GALNT17: variants seen among roughly 807,000 people sequenced by gnomAD.
The protein encoded by GALNT17 is UDP-GalNAc:polypeptide N-acetylgalactosaminyltransferase-like 3.
GALNT17 carries 29 observed loss-of-function variants against 63.7 expected under a neutral mutation model. That is an observed-to-expected ratio of 0.46 (90% CI 0.34 to 0.62). The LOEUF (loss-of-function observed/expected upper bound fraction) is 0.62. Among genes scored for constraint, GALNT17 ranks in the 20% least tolerant of loss-of-function variants. The pLI is 0.01. For synonymous variants in GALNT17, 305 were observed against 318.3 expected (o/e 0.96, Z 0.45); for missense variants, 603 against 799.6 (o/e 0.75, Z 2.97).
At chr7:71,396,287 TG>T (rs1344775175) in intron 3 of GALNT17, among the ~76,000 whole-genome samples, 1 of 152,158 alleles carries the variant, frequency 6.6e-6, no homozygotes, top group African/African-American at 2.4e-5. Flanking sequence ...AGCTAATTTT[TG>T]TATATGGTTT....
At chr7:71,269,469 A>T (rs1357635659) in intron 1 of GALNT17, among the ~76,000 whole-genome samples, 1 of 151,914 alleles carries the variant, frequency 6.6e-6, no homozygotes, top group Non-Finnish European at 1.5e-5. Flanking sequence ...CATGTCTATT[A>T]AAAAATAAGC....
intron 6 of GALNT17, among the ~76,000 whole-genome samples, chr7:71,610,734 C>T (rs1320923508): frequency 6.6e-6 from 1 of 152,022 alleles, no homozygotes; most frequent in Non-Finnish European, 1.5e-5. Context: ...GTGGCTCATG[C>T]CTGCACTTTG....
At chr7:71,491,814 T>G (rs1334711469) in intron 5 of GALNT17, among the ~76,000 whole-genome samples, 2 of 152,294 alleles carry the variant, frequency 1.3e-5, no homozygotes, top group Middle Eastern at 3.4e-3. Flanking sequence ...GAGTCTCACT[T>G]TGAGATGCAC....
At chr7:71,168,323 C>T (rs1170492999) in intron 1 of GALNT17, among the ~76,000 whole-genome samples, 1 of 152,056 alleles carries the variant, frequency 6.6e-6, no homozygotes, top group East Asian at 1.9e-4. Context: ...CCTGTAATCC[C>T]ACCACTTTGG....
rs76280511 is a variant in GALNT17 at position 71,469,223 on chromosome 7, G to A, written c.962+48118G>A. Reference sequence around the variant, plus strand: ...TCATTGTTGCTGAAGAGAAGGGATAGGTAATGGTGTAAAAGAAAGTTCTGG... The same window carrying A: ...TCATTGTTGCTGAAGAGAAGGGATAAGTAATGGTGTAAAAGAAAGTTCTGG... On this transcript the variant is annotated intron_variant, in intron 5 of 10. Coordinates refer to ENST00000333538, the MANE Select transcript of GALNT17 (RefSeq NM_022479.3). Among the ~76,000 whole-genome samples, 603 of 152,264 alleles carry A rather than the reference G, an allele frequency of 4.0e-3. 3 individuals are homozygous for A. Among genetic ancestry groups the A allele is most frequent in the African/African-American group, 0.014 (565 of 41,546 alleles).
chr7:71,398,547 G>A (rs935071344), intron 3 of GALNT17, among the ~76,000 whole-genome samples: 2 of 152,142 alleles, frequency 1.3e-5, no homozygotes, highest in Non-Finnish European at 2.9e-5. Flanking sequence ...TGCATAGTCT[G>A]TTTCTAAAAG....
chr7:71,592,150 C>T (rs1307068710), intron 6 of GALNT17, among the ~76,000 whole-genome samples: 1 of 151,942 alleles, frequency 6.6e-6, no homozygotes, highest in African/African-American at 2.4e-5. Context: ...GAGGAGATGC[C>T]ATGAGCAGGA....
At chr7:71,299,021 A>G (rs1324526592) in intron 1 of GALNT17, among the ~76,000 whole-genome samples, 6 of 152,082 alleles carry the variant, frequency 3.9e-5, no homozygotes, top group African/African-American at 1.4e-4. Flanking sequence ...TGACTATCGG[A>G]GTTCCAAATG....
At chr7:71,695,846 G>C (rs1791532525) in intron 9 of GALNT17, among the ~76,000 whole-genome samples, 1 of 152,158 alleles carries the variant, frequency 6.6e-6, no homozygotes, top group Non-Finnish European at 1.5e-5. Context: ...CCTGGGACTG[G>C]GTCCTTGCTC....
chr7:71,400,023 C>T (rs1050501519), intron 3 of GALNT17, among the ~76,000 whole-genome samples: 18 of 152,168 alleles, frequency 1.2e-4, no homozygotes, highest in East Asian at 5.8e-4. Context: ...GGGATGCATG[C>T]GCAGAACGTG....
intron 6 of GALNT17, among the ~76,000 whole-genome samples, chr7:71,605,148 C>T (rs534644785): frequency 1.4e-4 from 21 of 152,314 alleles, no homozygotes; most frequent in South Asian, 8.3e-4. Flanking sequence ...TCTTCACCCT[C>T]AAACTTGGCT....
chr7:71,658,887 CA>C (rs56210915), intron 6 of GALNT17, among the ~76,000 whole-genome samples: 33,208 of 143,200 alleles, frequency 0.23, 3,938 homozygotes, highest in Non-Finnish European at 0.28. Flanking sequence ...GACTCTGTCT[CA>C]AAAAAAAAAA....
At chr7:71,196,017 A>G (rs973451583) in intron 1 of GALNT17, among the ~76,000 whole-genome samples, 4 of 152,208 alleles carry the variant, frequency 2.6e-5, no homozygotes, top group Non-Finnish European at 5.9e-5. Context: ...TGGAGGGATT[A>G]GCAGCATCCC....
chr7:71,552,070 G>C (rs570279570), intron 5 of GALNT17, among the ~76,000 whole-genome samples: 40 of 149,998 alleles, frequency 2.7e-4, no homozygotes, highest in African/African-American at 9.8e-4. Context: ...TTTGAGTCAG[G>C]GTGTTGGTTT....
intron 6 of GALNT17, among the ~76,000 whole-genome samples, chr7:71,630,007 A>T (rs893446955): frequency 2.6e-5 from 4 of 151,550 alleles, no homozygotes; most frequent in African/African-American, 9.7e-5. Flanking sequence ...CATGTTTATT[A>T]TATCGTAACT....
At chr7:71,648,795 C>T (rs899790935) in intron 6 of GALNT17, among the ~76,000 whole-genome samples, 3 of 152,108 alleles carry the variant, frequency 2.0e-5, no homozygotes, top group Admixed American at 1.3e-4. Context: ...AGCTAGGCAA[C>T]CGTGAGACCT....
At chr7:71,221,163 G>A (rs1280870892) in intron 1 of GALNT17, among the ~76,000 whole-genome samples, 3 of 152,116 alleles carry the variant, frequency 2.0e-5, no homozygotes, top group Non-Finnish European at 4.4e-5. Flanking sequence ...GCCCCTAGTG[G>A]GAGGTACTCA....
At chr7:71,329,970 C>T (rs111928578) in intron 1 of GALNT17, among the ~76,000 whole-genome samples, 58 of 144,786 alleles carry the variant, frequency 4.0e-4, no homozygotes, top group Admixed American at 1.4e-3. Flanking sequence ...TATATATATA[C>T]GTATATGTGT....
intron 3 of GALNT17, among the ~76,000 whole-genome samples, chr7:71,398,588 A>G (rs1224023986): frequency 1.3e-5 from 2 of 152,118 alleles, no homozygotes; most frequent in South Asian, 2.1e-4. Context: ...TTTAGTTTCT[A>G]TCTTTCATGT....
Sources: gnomAD v4.1 joint callset for allele counts (sites outside exome capture counted in the v4.1 genomes callset) on GRCh38, gnomAD v4.1.1 for gene constraint, MANE v1.5 for transcripts, NCBI Gene and HGNC (gene_info 2026-07-23, HGNC 2026-07-21) for gene names.